The following AJUBA variants were observed in gnomAD, a reference collection of about 807,000 sequenced individuals.
AJUBA encodes the protein LIM domain-containing protein ajuba.
AJUBA carries 20 observed loss-of-function variants against 53.3 expected under a neutral mutation model. That is an observed-to-expected ratio of 0.38 (90% CI 0.26 to 0.55). The LOEUF is 0.55. Ranked by LOEUF, AJUBA falls within the 20% of genes least tolerant of loss-of-function variation. The pLI, the probability that AJUBA is intolerant of heterozygous loss-of-function variation, is 0.80. For missense variants in AJUBA, 580 were observed against 730.5 expected (o/e 0.79, Z 2.38); for synonymous variants, 296 against 306.2 (o/e 0.97, Z 0.35).
intron 4 of AJUBA, chr14:22,975,783 G>A (rs1455288302): frequency 1.3e-5 from 2 of 151,258 alleles, no homozygotes; most frequent in African/African-American, 2.4e-5. Context: ...AGGAGGCGGA[G>A]CTTGCAGTAA....
chr14:22,981,385 T>G lies in AJUBA; in HGVS notation c.882A>C (p.Glu294Asp), dbSNP rs765630530. ...LRLTVGTGGR[E>D]AGARGEPSGI... The stretch of plus-strand genomic sequence containing the variant: ...CCGAGGGTTCTCCGCGGGCTCCGGC[T>G]TCTCGCCCACCGGTGCCCACCGTCA... The change falls in exon 1 of 8, where the codon GAA (glutamate) becomes GAC (aspartate). Residue 294 changes from glutamate to aspartate, a missense_variant. By Grantham distance (45) the Glu-to-Asp change is conservative. Coordinates refer to ENST00000262713, the MANE Select transcript of AJUBA (RefSeq NM_032876.6). 6.2e-7 allele frequency: 1 copy of G among 1,613,042 alleles called. No homozygotes were observed. The highest frequency in any genetic ancestry group is 1.1e-5 in the South Asian group (1 of 91,066).
At position 22,975,094 on chromosome 14, in the gene AJUBA, G is replaced by A. The variant is rs753388680; in HGVS notation, c.1250C>T (p.Ala417Val). 3.1e-6 allele frequency: 5 copies of A among 1,612,084 alleles called. No individual in the cohort carries two copies. ...GHLILEKILQAMGKSYHPGCF... is the reference protein window; with the variant it reads ...GHLILEKILQVMGKSYHPGCF... ...GCCTGGATGATAGGACTTCCCCATT[G>A]CTTGTAGGATCTGGCTCATGGGGTA... The change falls in exon 5 of 8, where the codon GCA becomes GTA. Residue 417 changes from alanine (A) to valine (V), a missense_variant. Physicochemically the swap from Ala to Val is moderately conservative, Grantham distance 64. Transcript: ENST00000262713.
Position 22,972,236 on chromosome 14 carries a change from T to C in AJUBA, c.*1207A>G, listed in dbSNP as rs1021996546. 1 of 152,290 alleles carries C rather than the reference T, an allele frequency of 6.6e-6. No homozygotes were observed. The highest frequency in any genetic ancestry group is 2.4e-5 in the African/African-American group (1 of 41,428). 9.4% of individuals were successfully genotyped at this position (152,290 alleles called of 1,614,324 possible). On this transcript the variant is annotated 3_prime_UTR_variant, in exon 8 of 8. Coordinates refer to ENST00000262713, the MANE Select transcript of AJUBA (RefSeq NM_032876.6). Reference sequence around the variant, plus strand: ...CTCCAGTTCCCCCCAACTCTAGTTTTGGGATTGTGATGGATGCAATCCGGG... The same window carrying C: ...CTCCAGTTCCCCCCAACTCTAGTTTCGGGATTGTGATGGATGCAATCCGGG...
chr14:22,974,646 G>C, intron 6 of AJUBA, 193 bp downstream of exon 6: 1 of 611,388 alleles, frequency 1.6e-6, no homozygotes, highest in Non-Finnish European at 2.8e-6. Flanking sequence ...GGCCCAGTTA[G>C]GCTTTCAGAC....
rs2058079253 is a variant in AJUBA, at chr14:22,979,015, G to C, written c.1007-570C>G. 2.3e-6 allele frequency: 3 copies of C among 1,289,090 alleles called. No homozygotes were observed. The highest frequency in any genetic ancestry group is 3.0e-6 in the Non-Finnish European group (3 of 988,718). The allele number at this position is 1,289,090 out of a possible 1,614,324, so 79.9% of individuals were successfully genotyped here. ...GGCTTGGCAGAGGGCTCCGTGCAGAGGGGACCATGTGAGCATGATTCCTGT... is the reference window on the plus strand; with the variant it reads ...GGCTTGGCAGAGGGCTCCGTGCAGACGGGACCATGTGAGCATGATTCCTGT... On this transcript the variant is annotated intron_variant, in intron 1 of 7. Transcript: ENST00000262713. This position sits in a 1 kb window ranked among gnomAD's most constrained non-coding sequence, Gnocchi z 4.0.
rs905426639 is a variant in AJUBA at position 22,979,341 on chromosome 14, C to T, written c.1007-896G>A. 5.9e-5 allele frequency among the ~76,000 whole-genome samples: 9 copies of T among 152,256 alleles called. No homozygotes were observed. Among genetic ancestry groups the T allele is most frequent in the African/African-American group, 1.9e-4 (8 of 41,468 alleles). ...ACGGGCCTGCCCCACCTCTCCCCCT[C>T]GGCACGCTGCCACACTCCCTGCCTG... On this transcript the variant is annotated intron_variant, in intron 1 of 7. Transcript: ENST00000262713. This position sits in a 1 kb window ranked among gnomAD's most constrained non-coding sequence, Gnocchi z 4.0.
intron 1 of AJUBA, chr14:22,980,497 G>C (rs2045076543): frequency 1.5e-6 from 1 of 679,168 alleles, no homozygotes; most frequent in Non-Finnish European, 1.8e-6. Flanking sequence ...TATCCATCCA[G>C]AGGTAATGGT....
At position 22,974,046 on chromosome 14, in the gene AJUBA, C is replaced by T; in HGVS notation, c.1491+1G>A. 1 of 1,614,156 alleles carries T rather than the reference C, an allele frequency of 6.2e-7. No individual in the cohort carries two copies. The highest frequency in any genetic ancestry group is 8.5e-7 in the Non-Finnish European group (1 of 1,180,014). On this transcript the variant is annotated splice_donor_variant, in intron 7 of 7. Coordinates refer to ENST00000262713, the MANE Select transcript of AJUBA (RefSeq NM_032876.6). LOFTEE classifies it high-confidence loss of function. ...CAGCACCGCTGAACCCCAACACTCA[C>T]CTCACAGTGGTAGCACTCAAAGTGA...
At chr14:22,978,741 T>C (rs932985986) in intron 1 of AJUBA, 2 of 1,219,710 alleles carry the variant, frequency 1.6e-6, no homozygotes, top group African/African-American at 1.6e-5. Context: ...GGCATTCAGA[T>C]GCTTAGTTTC....
intron 7 of AJUBA, 68 bp downstream of exon 7, chr14:22,973,979 C>A: frequency 6.4e-7 from 1 of 1,568,266 alleles, no homozygotes. Flanking sequence ...CTGGTTGTTG[C>A]AGGACTTGAC....
In AJUBA at chr14:22,982,440, C is replaced by G; in HGVS notation, c.-174G>C. The G allele has an allele frequency of 2.8e-6, 4 of 1,433,270 alleles. No homozygotes were observed. Among genetic ancestry groups the G allele is most frequent in the Non-Finnish European group, 3.6e-6 (4 of 1,101,916 alleles). 88.8% of individuals were successfully genotyped at this position (1,433,270 alleles called of 1,614,324 possible). ...CCAGGAATCCCACAGCATCCCCCAG[C>G]GGGAGGGGCTGCGTCCCCCCGCGCA... On this transcript the variant is annotated 5_prime_UTR_variant, in exon 1 of 8. Coordinates refer to ENST00000262713, the MANE Select transcript of AJUBA (RefSeq NM_032876.6).
chr14:22,980,580 T>C (rs1334930102), intron 1 of AJUBA: 1 of 985,370 alleles, frequency 1.0e-6, no homozygotes, highest in East Asian at 1.1e-4. Context: ...ACTGGGTCTC[T>C]GATTAAATGC....
chr14:22,978,473 C>T, intron 1 of AJUBA, 28 bp from the exon 2 acceptor site: 3 of 1,598,804 alleles, frequency 1.9e-6, no homozygotes, highest in Non-Finnish European at 2.6e-6. Flanking sequence ...TCACACTCTA[C>T]TCCCCCAGGT....
rs192294093 is a variant in AJUBA at position 22,976,390 on chromosome 14, A to G, written c.1239+66T>C. The G allele has an allele frequency of 1.1e-4, 163 of 1,500,768 alleles. No homozygotes were observed. In the Middle Eastern group the frequency reaches 1.5e-3, roughly 14 times the overall value. 93.0% of individuals were successfully genotyped at this position (1,500,768 alleles called of 1,614,324 possible). On this transcript the variant is annotated intron_variant, in intron 4 of 7. Transcript: ENST00000262713. The stretch of plus-strand genomic sequence containing the variant: ...TTTCCCCAACCTTCTCTCAATATCC[A>G]TTTAGTCCCTGATCCCGCTCCTCAG...
rs1405672824 is a variant in AJUBA at position 22,982,374 on chromosome 14, G to A, written c.-108C>T. The stretch of plus-strand genomic sequence containing the variant: ...GGACTCTGGTTCCCCAGGGGCACAG[G>A]GGAGGCACAGGGGCTTAGCGGGCGG... On this transcript the variant is annotated 5_prime_UTR_variant, in exon 1 of 8. Coordinates refer to ENST00000262713, the MANE Select transcript of AJUBA (RefSeq NM_032876.6). 2.6e-6 allele frequency: 4 copies of A among 1,528,690 alleles called. No individual in the cohort carries two copies. Among genetic ancestry groups the A allele is most frequent in the Non-Finnish European group, 3.5e-6 (4 of 1,149,640 alleles). 94.7% of individuals were successfully genotyped at this position (1,528,690 alleles called of 1,614,324 possible). A position where few individuals can be genotyped will look rare whatever the true frequency, so the allele number is the denominator to read the frequency against.
chr14:22,982,106 C>T lies in AJUBA; in HGVS notation c.161G>A (p.Gly54Glu), dbSNP rs1408772741. 6.3e-7 allele frequency: 1 copy of T among 1,597,252 alleles called. No individual in the cohort carries two copies. The highest frequency in any genetic ancestry group is 8.5e-7 in the Non-Finnish European group (1 of 1,173,720). Reference protein sequence around the residue: ...PRKSGPRGATGGPGDEPLEPA... With the variant: ...PRKSGPRGATEGPGDEPLEPA... ...CTCCAACGGCTCATCCCCAGGTCCCCCAGTAGCTCCTCGGGGCCCTGACTT... is the reference window on the plus strand; with the variant it reads ...CTCCAACGGCTCATCCCCAGGTCCCTCAGTAGCTCCTCGGGGCCCTGACTT... The change falls in exon 1 of 8, where the codon GGG becomes GAG. Residue 54 changes from glycine (G) to glutamate (E), a missense_variant. By Grantham distance (98) the Gly-to-Glu change is moderately conservative (BLOSUM62 -2). Around this residue, in one of 2 missense-constraint regions of AJUBA, gnomAD observed 430 missense variants for 471.5 expected, o/e 0.91. Coordinates refer to ENST00000262713, the MANE Select transcript of AJUBA (RefSeq NM_032876.6).
rs560078376 is a variant in AJUBA at position 22,980,467 on chromosome 14, T to C, written c.1006+794A>G. On this transcript the variant is annotated intron_variant, in intron 1 of 7. Transcript: ENST00000262713. ...GCAGAATTCAAGGCCAAGTTATTTC[T>C]GGCAATAACACAGGGTCGTTATCCA... The C allele has an allele frequency of 6.5e-6, 3 of 458,512 alleles. No homozygotes were observed. In the South Asian group the frequency reaches 2.8e-4, roughly 42 times the overall value. 28.4% of individuals were successfully genotyped at this position (458,512 alleles called of 1,614,324 possible).
In AJUBA at chr14:22,982,129, C is replaced by A; in HGVS notation, c.138G>T (p.Lys46Asn). ...GRLSGLGGPR[K>N]SGPRGATGGP... is the part of the protein sequence containing the mutation. ...CCCCAGTAGCTCCTCGGGGCCCTGACTTCCTAGGTCCCCCCAACCCACTTA... is the reference window on the plus strand; with the variant it reads ...CCCCAGTAGCTCCTCGGGGCCCTGAATTCCTAGGTCCCCCCAACCCACTTA... The change falls in exon 1 of 8, where the codon AAG (lysine) becomes AAT (asparagine). Residue 46 changes from lysine (K) to asparagine (N), a missense_variant. Around this residue, in one of 2 missense-constraint regions of AJUBA, gnomAD observed 430 missense variants for 471.5 expected, o/e 0.91. Transcript: ENST00000262713. The A allele has an allele frequency of 6.2e-7, 1 of 1,604,864 alleles. No homozygotes were observed. Among genetic ancestry groups the A allele is most frequent in the Non-Finnish European group, 8.5e-7 (1 of 1,176,354 alleles).
intron 2 of AJUBA, 46 bp downstream of exon 2, chr14:22,978,298 A>G: frequency 6.5e-7 from 1 of 1,545,428 alleles, no homozygotes; most frequent in Non-Finnish European, 8.9e-7. Flanking sequence ...GTAAGTGTGT[A>G]TGTGGGCAGG....
Sources: allele counts gnomAD v4.1 joint callset (sites outside exome capture counted in the v4.1 genomes callset), GRCh38; gene constraint gnomAD v4.1.1; regional missense constraint gnomAD v4.1.1; non-coding constraint Gnocchi (gnomAD v3.1); transcripts MANE v1.5; gene names NCBI Gene and HGNC (gene_info 2026-07-23, HGNC 2026-07-21).